The following APBB2 variants were observed in gnomAD, a reference collection of about 807,000 sequenced individuals.
APBB2 encodes the protein amyloid beta precursor protein binding family B member 2, also known as Fe65-like 1.
Under a neutral mutation model 82.5 loss-of-function variants are expected in APBB2, and 38 were observed. The ratio of observed to expected loss-of-function variants is 0.46; its 90% CI spans 0.36 to 0.60. The LOEUF (loss-of-function observed/expected upper bound fraction) is 0.60, where lower values mean the gene tolerates loss of function less well. Ranked by LOEUF, APBB2 falls within the 20% of genes least tolerant of loss-of-function variation. The pLI is 0.00. For synonymous variants in APBB2, 341 were observed against 368.2 expected, an observed-to-expected ratio of 0.93 and a Z score of 0.85; for missense variants, 772 against 972.3, an observed-to-expected ratio of 0.79 and a Z score of 2.74.
chr4:40,981,607 T>A (rs1798489719), intron 6 of APBB2, among the ~76,000 whole-genome samples: 1 of 152,152 alleles, frequency 6.6e-6, no homozygotes, highest in Non-Finnish European at 1.5e-5. Context: ...CAAAGGTCTG[T>A]GATTAGTTCA....
intron 12 of APBB2, chr4:40,857,129 C>T (rs1761486307): frequency 1.3e-5 from 13 of 985,490 alleles, no homozygotes; most frequent in Non-Finnish European, 1.6e-5. Flanking sequence ...GCTCAAGCAG[C>T]CGCGCGCACT....
chr4:40,931,897 G>T (rs192784730), intron 10 of APBB2, among the ~76,000 whole-genome samples: 2 of 150,380 alleles, frequency 1.3e-5, no homozygotes, highest in East Asian at 2.0e-4. Context: ...TGTATTTTTT[G>T]TTGTTGTTTA....
intron 10 of APBB2, among the ~76,000 whole-genome samples, chr4:40,906,793 A>G (rs1776884355): frequency 6.6e-6 from 1 of 152,226 alleles, no homozygotes; most frequent in South Asian, 2.1e-4. Context: ...CTTAGGCCAC[A>G]TGGTCTCCTC....
At chr4:40,840,839 C>T (rs969855436) in intron 12 of APBB2, among the ~76,000 whole-genome samples, 1 of 152,102 alleles carries the variant, frequency 6.6e-6, no homozygotes, top group Admixed American at 6.5e-5. Context: ...AGAGCAACTG[C>T]CTCCCAGCGA....
chr4:41,108,565 T>C (rs1010308481), intron 2 of APBB2, among the ~76,000 whole-genome samples: 1 of 152,228 alleles, frequency 6.6e-6, no homozygotes, highest in African/African-American at 2.4e-5. Context: ...ATTCAGCCTG[T>C]GTTTCCCATC....
In APBB2 at chr4:41,033,238, G is replaced by T; in HGVS notation, c.17C>A (p.Pro6Gln). The change falls in exon 5 of 18, where the codon CCA becomes CAA. Residue 6 changes from proline (P) to glutamine (Q), a missense_variant and splice_region_variant. Physicochemically the swap from Pro to Gln is moderately conservative, Grantham distance 76. Coordinates refer to ENST00000508593, the MANE Select transcript of APBB2 (RefSeq NM_004307.2). ...AAATATGAGAAAATGTATCTGACCTGGAAGTACTTCTGACATGGATCACCA... is the reference window on the plus strand; with the variant it reads ...AAATATGAGAAAATGTATCTGACCTTGAAGTACTTCTGACATGGATCACCA... Reference protein sequence around the residue: MSEVLPADSGVDTLAV... With the variant: MSEVLQADSGVDTLAV... The T allele has an allele frequency of 6.3e-7, 1 of 1,580,726 alleles. No individual in the cohort carries two copies. The highest frequency in any genetic ancestry group is 8.7e-7 in the Non-Finnish European group (1 of 1,152,380).
intron 17 of APBB2, among the ~76,000 whole-genome samples, chr4:40,820,988 C>A (rs571793355): frequency 7.9e-5 from 12 of 152,312 alleles, no homozygotes; most frequent in African/African-American, 2.9e-4. Flanking sequence ...CCTGCCTCAG[C>A]CTCCCGAGTA....
chr4:41,008,774 G>A (rs1284921587), intron 6 of APBB2, among the ~76,000 whole-genome samples: 1 of 152,198 alleles, frequency 6.6e-6, no homozygotes, highest in Non-Finnish European at 1.5e-5. Flanking sequence ...ATAGATGAGA[G>A]GCTATGAGAA....
At chr4:41,020,720 T>A (rs62412124) in intron 5 of APBB2, among the ~76,000 whole-genome samples, 6,986 of 152,322 alleles carry the variant, frequency 0.046, 343 homozygotes, top group African/African-American at 0.12. Context: ...TGTATTATCC[T>A]ACTACCACAC....
chr4:40,927,573 T>C (rs34745597), intron 10 of APBB2, among the ~76,000 whole-genome samples: 8,431 of 152,192 alleles, frequency 0.055, 336 homozygotes, highest in Non-Finnish European at 0.085. Flanking sequence ...CTCGACCTCC[T>C]TGGGCTCGAG....
At chr4:40,991,175 C>CT (rs58342460) in intron 6 of APBB2, among the ~76,000 whole-genome samples, 1,361 of 90,458 alleles carry the variant, frequency 0.015, 48 homozygotes, top group African/African-American at 0.044. Flanking sequence ...GTGTGTTTTG[C>CT]TTTTTTTTTT....
chr4:41,096,159 A>C (rs998802020), intron 3 of APBB2, among the ~76,000 whole-genome samples: 17 of 152,206 alleles, frequency 1.1e-4, no homozygotes, highest in African/African-American at 3.6e-4. Context: ...CTGATTTCTC[A>C]GCTGAAATGA....
intron 10 of APBB2, among the ~76,000 whole-genome samples, chr4:40,896,987 C>T (rs978556387): frequency 1.3e-5 from 2 of 152,162 alleles, no homozygotes; most frequent in Non-Finnish European, 2.9e-5. Flanking sequence ...GTCAGAAATG[C>T]GTTTTCCCAC....
rs531930025 is a variant in APBB2 at position 40,998,648 on chromosome 4, C to T, written c.835+14935G>A. On this transcript the variant is annotated intron_variant, in intron 6 of 17. Transcript: ENST00000508593. ...AAAGGCAGATAAGCAAATTCAGCTG[C>T]CTTTGATGAAGCCGTACATTAAAGA... is the stretch of plus-strand genomic sequence containing the variant. 1.6e-4 allele frequency among the ~76,000 whole-genome samples: 25 copies of T among 152,260 alleles called. No homozygotes were observed. In the South Asian group the frequency reaches 5.2e-3, roughly 32 times the overall value.
chr4:40,967,292 G>C (rs1017079069), intron 6 of APBB2, among the ~76,000 whole-genome samples: 1 of 152,132 alleles, frequency 6.6e-6, no homozygotes, highest in Non-Finnish European at 1.5e-5. Flanking sequence ...ACAAGAACTC[G>C]GGACCTGCAG....
chr4:40,998,802 C>A (rs1430858689), intron 6 of APBB2, among the ~76,000 whole-genome samples: 1 of 152,112 alleles, frequency 6.6e-6, no homozygotes, highest in Non-Finnish European at 1.5e-5. Context: ...ACAAGCACTG[C>A]AATGCTACAA....
intron 4 of APBB2, among the ~76,000 whole-genome samples, chr4:41,058,094 C>T (rs774993618): frequency 6.6e-6 from 1 of 152,180 alleles, no homozygotes; most frequent in Non-Finnish European, 1.5e-5. Flanking sequence ...CAAAAGCAGA[C>T]ACCAGGTAGG....
chr4:41,059,457 G>A (rs970287592), intron 4 of APBB2, among the ~76,000 whole-genome samples: 3 of 152,218 alleles, frequency 2.0e-5, no homozygotes, highest in African/African-American at 2.4e-5. Context: ...ACAAAATATC[G>A]GCAGCACTGT....
intron 6 of APBB2, among the ~76,000 whole-genome samples, chr4:41,010,178 C>T (rs764638696): frequency 5.9e-5 from 9 of 152,068 alleles, no homozygotes; most frequent in Non-Finnish European, 1.0e-4. Flanking sequence ...GCAGAGATCC[C>T]AAGTGAACAT....
Sources: allele counts gnomAD v4.1 joint callset (sites outside exome capture counted in the v4.1 genomes callset), GRCh38; gene constraint gnomAD v4.1.1; transcripts MANE v1.5; gene names NCBI Gene and HGNC (gene_info 2026-07-23, HGNC 2026-07-21).